The following ADAM19 variants were observed in gnomAD, a reference collection of about 807,000 sequenced individuals.
ADAM19 encodes disintegrin and metalloproteinase domain-containing protein 19.
In ADAM19, 65 loss-of-function variants were observed where a neutral mutation model predicts 114.7. That is an observed-to-expected ratio of 0.57 (90% CI 0.46 to 0.70). The LOEUF (loss-of-function observed/expected upper bound fraction) is 0.70. Among genes scored for constraint, ADAM19 ranks in the 30% least tolerant of loss-of-function variants. ADAM19 has a pLI of 0.00. For synonymous variants in ADAM19, 466 were observed against 460.5 expected (o/e 1.01, Z -0.15); for missense variants, 1,063 against 1,204.7 (o/e 0.88, Z 1.74).
chr5:157,480,838 G>C lies in ADAM19; in HGVS notation c.*111C>G. ...TGGAGATGTGGAGGTTCCTGGAGGA[G>C]GGTGGGAGGAGCTCAGAGGCGGCCA... On this transcript the variant is annotated 3_prime_UTR_variant, in exon 23 of 23. Transcript: ENST00000257527. The C allele has an allele frequency of 6.4e-7, 1 of 1,553,924 alleles. No individual in the cohort carries two copies.
chr5:157,546,598 T>A (rs1237656794), intron 3 of ADAM19, among the ~76,000 whole-genome samples: 2 of 152,072 alleles, frequency 1.3e-5, no homozygotes, highest in Non-Finnish European at 2.9e-5. Flanking sequence ...TCCAAAGGAG[T>A]CCCTTTCCAT....
chr5:157,526,625 T>TTGGTGTCA (rs1756470678), intron 5 of ADAM19, among the ~76,000 whole-genome samples: 1 of 56,612 alleles, frequency 1.8e-5, no homozygotes, highest in East Asian at 2.9e-4. Flanking sequence ...ATTGGTGTCA[T>TTGGTGTCA]TTTTTTTTTT....
At position 157,480,537 on chromosome 5, in the gene ADAM19, C is replaced by T. The variant is rs1281594509; in HGVS notation, c.*412G>A. On this transcript the variant is annotated 3_prime_UTR_variant, in exon 23 of 23. Coordinates refer to ENST00000257527, the MANE Select transcript of ADAM19 (RefSeq NM_033274.5). ...CCGGGACCTCTGAGGAGAGCAGAAG[C>T]AATGGGAAGCTCTCTTGCGTGCCCT... 1 of 1,018,516 alleles carries T rather than the reference C, an allele frequency of 9.8e-7. No homozygotes were observed. The highest frequency in any genetic ancestry group is 9.8e-5 in the East Asian group (1 of 10,188). The allele number at this position is 1,018,516 out of a possible 1,614,324, so 63.1% of individuals were successfully genotyped here. A position where few individuals can be genotyped will look rare whatever the true frequency, so the allele number is the denominator to read the frequency against.
intron 5 of ADAM19, among the ~76,000 whole-genome samples, chr5:157,530,067 T>C (rs1244781715): frequency 6.6e-6 from 1 of 152,230 alleles, no homozygotes; most frequent in Non-Finnish European, 1.5e-5. Context: ...TCTTCTTTTT[T>C]ATCTTCTGTT....
chr5:157,513,552 G>A (rs1475137290), intron 7 of ADAM19, 47 bp from the exon 8 acceptor site: 2 of 1,527,064 alleles, frequency 1.3e-6, no homozygotes, highest in East Asian at 4.5e-5. Flanking sequence ...ACCTCTCACA[G>A]GATGCTTCCT....
Position 157,480,280 on chromosome 5 carries a change from T to C in ADAM19, c.*669A>G. 1 of 985,784 alleles carries C rather than the reference T, an allele frequency of 1.0e-6. No homozygotes were observed. The highest frequency in any genetic ancestry group is 1.7e-5 in the African/African-American group (1 of 57,346). 61.1% of individuals were successfully genotyped at this position (985,784 alleles called of 1,614,324 possible). On this transcript the variant is annotated 3_prime_UTR_variant, in exon 23 of 23. Transcript: ENST00000257527. Reference sequence around the variant, plus strand: ...AGCCCAAGCCCGGTGCTCCTCCTGCTGTCTACACTGCCTACGAATAGTACC... The same window carrying C: ...AGCCCAAGCCCGGTGCTCCTCCTGCCGTCTACACTGCCTACGAATAGTACC...
chr5:157,523,272 G>C (rs1379069378), intron 5 of ADAM19, among the ~76,000 whole-genome samples: 2 of 152,162 alleles, frequency 1.3e-5, no homozygotes, highest in African/African-American at 2.4e-5. Flanking sequence ...AGGTCTCAGG[G>C]ATATCTATTA....
chr5:157,489,339 TC>T (rs1561841899), intron 19 of ADAM19, among the ~76,000 whole-genome samples, 153 bp from the exon 20 acceptor site: 2 of 152,176 alleles, frequency 1.3e-5, no homozygotes, highest in Non-Finnish European at 2.9e-5. Flanking sequence ...TCGAACCACA[TC>T]TTCCTAAGTA....
intron 13 of ADAM19, among the ~76,000 whole-genome samples, chr5:157,498,604 G>A (rs1045943494): frequency 1.3e-5 from 2 of 151,744 alleles, no homozygotes; most frequent in African/African-American, 4.8e-5. Flanking sequence ...TGGGGTTCAG[G>A]CTTTTCAGAT....
At chr5:157,575,286 G>A (rs1053579799) in intron 1 of ADAM19, among the ~76,000 whole-genome samples, 8 of 152,220 alleles carry the variant, frequency 5.3e-5, no homozygotes, top group African/African-American at 1.7e-4. Flanking sequence ...AGAAAACGGA[G>A]GAGGATAAGC....
intron 3 of ADAM19, among the ~76,000 whole-genome samples, chr5:157,542,386 G>C (rs887744184): frequency 1.3e-5 from 2 of 152,046 alleles, no homozygotes; most frequent in African/African-American, 4.8e-5. Context: ...AAAGTCTAAA[G>C]ATGGTGCTAA....
chr5:157,517,727 T>C (rs746070629), intron 7 of ADAM19, among the ~76,000 whole-genome samples: 23 of 152,188 alleles, frequency 1.5e-4, no homozygotes, highest in African/African-American at 2.7e-4. Context: ...TGGCACATAA[T>C]AGAAAATCAA....
At chr5:157,566,730 G>A (rs1757674254) in intron 2 of ADAM19, 1 of 152,232 alleles carries the variant, frequency 6.6e-6, no homozygotes, top group African/African-American at 2.4e-5. Context: ...TTGTTGTGCA[G>A]GCTGGAGTGC....
At chr5:157,571,056 G>A (rs1278017253) in intron 1 of ADAM19, 76 bp from the exon 2 acceptor site, 7 of 1,279,402 alleles carry the variant, frequency 5.5e-6, no homozygotes, top group Non-Finnish European at 7.8e-6. Flanking sequence ...CACTTTCTGT[G>A]AGCTGCCCCT....
At chr5:157,536,699 C>T (rs1180010600) in intron 4 of ADAM19, among the ~76,000 whole-genome samples, 3 of 152,164 alleles carry the variant, frequency 2.0e-5, no homozygotes, top group Non-Finnish European at 4.4e-5. Context: ...GCGAACTAAT[C>T]TGAGCTGTTA....
Position 157,477,820 on chromosome 5 carries a change from G to A in ADAM19, c.*3129C>T. The A allele has an allele frequency of 1.1e-6, 1 of 947,574 alleles. No individual in the cohort carries two copies. Among genetic ancestry groups the A allele is most frequent in the South Asian group, 1.4e-5 (1 of 73,422 alleles). The allele number at this position is 947,574 out of a possible 1,614,324, so 58.7% of individuals were successfully genotyped here. A position where few individuals can be genotyped will look rare whatever the true frequency, so the allele number is the denominator to read the frequency against. On this transcript the variant is annotated 3_prime_UTR_variant, in exon 23 of 23. Transcript: ENST00000257527. ...AGGCGTATTGCAGGAGGTGGGGAGG[G>A]GCTATTGCTTCAGGGGGAAGGGACT...
chr5:157,530,598 A>T lies in ADAM19; in HGVS notation c.407+209T>A, dbSNP rs541154765. Among the ~76,000 whole-genome samples the T allele has an allele frequency of 1.8e-4, 28 of 152,324 alleles. 1 individual carries two copies. In the East Asian group the frequency reaches 5.4e-3, roughly 29 times the overall value. On this transcript the variant is annotated intron_variant, in intron 5 of 22. Transcript: ENST00000257527. ...ACAAAACCTATATTTTAAAACATCA[A>T]GTTCATCAGGAAAGTTAAATCCCAA...
intron 7 of ADAM19, among the ~76,000 whole-genome samples, chr5:157,518,295 T>C (rs897821499): frequency 1.5e-4 from 20 of 132,426 alleles, no homozygotes; most frequent in Non-Finnish European, 3.1e-5. Context: ...AGGAGAGGCT[T>C]AGCTGTGTGT....
rs544343180 is a variant in ADAM19 at position 157,526,993 on chromosome 5, C to T, written c.407+3814G>A. Among the ~76,000 whole-genome samples, 9 of 152,244 alleles carry T rather than the reference C, an allele frequency of 5.9e-5. No individual in the cohort carries two copies. The East Asian group carries it at 1.7e-3, about 29-fold the overall frequency. On this transcript the variant is annotated intron_variant, in intron 5 of 22. Coordinates refer to ENST00000257527, the MANE Select transcript of ADAM19 (RefSeq NM_033274.5). ...GGGTCCAGGGGCCCAAATAAGATTA[C>T]AGACATTATATTCCTATATTAGTCC... is the stretch of plus-strand genomic sequence containing the variant.
Sources: gnomAD v4.1 joint callset for allele counts (sites outside exome capture counted in the v4.1 genomes callset) on GRCh38, gnomAD v4.1.1 for gene constraint, MANE v1.5 for transcripts, NCBI Gene and HGNC (gene_info 2026-07-23, HGNC 2026-07-21) for gene names.